BTRC: variants seen among roughly 807,000 people sequenced by gnomAD.
The protein encoded by BTRC is F-box/WD repeat-containing protein 1A.
BTRC carries 42 observed loss-of-function variants against 85.5 expected under a neutral mutation model. That is an observed-to-expected ratio of 0.49 (90% CI 0.38 to 0.64). BTRC has a LOEUF of 0.64. BTRC is among the 30% of genes least tolerant of loss of function. The pLI is 0.00. For synonymous variants in BTRC, 255 were observed against 263.3 expected, an observed-to-expected ratio of 0.97 and a Z score of 0.30; for missense variants, 594 against 743.5, an observed-to-expected ratio of 0.80 and a Z score of 2.34.
rs148028490 is a variant in BTRC, at chr10:101,484,062, G to T, written c.324+4605G>T. ...TACATCTATCCAGATTCCTGGCCCA[G>T]ATAAGAGAAGTTTTTCCTCTTTATG... On this transcript the variant is annotated intron_variant, in intron 4 of 14. Coordinates refer to ENST00000370187, the MANE Select transcript of BTRC (RefSeq NM_033637.4). 6.6e-5 allele frequency among the ~76,000 whole-genome samples: 10 copies of T among 152,274 alleles called. No individual in the cohort carries two copies. The East Asian group carries it at 1.9e-3, about 29-fold the overall frequency.
At chr10:101,532,814 A>C (rs200951971) in intron 8 of BTRC, 138 bp from the exon 9 acceptor site, 1 of 550,498 alleles carries the variant, frequency 1.8e-6, no homozygotes, top group African/African-American at 2.6e-5. Flanking sequence ...GCGCGCGCTT[A>C]GCTATACCTA....
chr10:101,475,950 TA>T (rs1316990292), intron 3 of BTRC, among the ~76,000 whole-genome samples: 17 of 138,630 alleles, frequency 1.2e-4, no homozygotes, highest in African/African-American at 3.4e-4. Flanking sequence ...TATATATATA[TA>T]TATTCAGTAA....
At chr10:101,419,076 T>C (rs1944027631) in intron 1 of BTRC, among the ~76,000 whole-genome samples, 1 of 151,654 alleles carries the variant, frequency 6.6e-6, no homozygotes, top group African/African-American at 2.4e-5. Context: ...AGTGGCACGA[T>C]CTTGGCTCAC....
chr10:101,537,507 A>T (rs1396991649), intron 12 of BTRC, among the ~76,000 whole-genome samples: 1 of 152,250 alleles, frequency 6.6e-6, no homozygotes, highest in Non-Finnish European at 1.5e-5. Context: ...CAGCCTGGGC[A>T]ACAGAGCGAG....
chr10:101,436,944 T>G (rs1207364624), intron 2 of BTRC, among the ~76,000 whole-genome samples: 2 of 152,180 alleles, frequency 1.3e-5, no homozygotes, highest in Non-Finnish European at 2.9e-5. Flanking sequence ...ATTTTACATT[T>G]GAGATTTTAG....
At chr10:101,509,173 T>G (rs1166274119) in intron 4 of BTRC, among the ~76,000 whole-genome samples, 1 of 150,472 alleles carries the variant, frequency 6.6e-6, no homozygotes, top group African/African-American at 2.5e-5. Context: ...CTTACTTATC[T>G]CTTTCCATTC....
At chr10:101,529,039 A>T (rs1233672477) in intron 6 of BTRC, among the ~76,000 whole-genome samples, 1 of 152,232 alleles carries the variant, frequency 6.6e-6, no homozygotes. Flanking sequence ...ATAAAAGACC[A>T]CTTGGGAAAA....
chr10:101,362,607 C>G (rs866899193), intron 1 of BTRC, among the ~76,000 whole-genome samples: 1 of 151,836 alleles, frequency 6.6e-6, no homozygotes, highest in African/African-American at 2.4e-5. Flanking sequence ...GTTGGTCAGG[C>G]TGGTCTTGAA....
intron 1 of BTRC, among the ~76,000 whole-genome samples, chr10:101,391,518 C>T (rs1943235571): frequency 6.6e-6 from 1 of 152,166 alleles, no homozygotes; most frequent in Middle Eastern, 3.2e-3. Flanking sequence ...TAGGCACAAC[C>T]TTCGTAGTTC....
intron 4 of BTRC, among the ~76,000 whole-genome samples, chr10:101,492,673 TAGATAATAAGGAGACA>T (rs1168925523): frequency 6.6e-6 from 1 of 152,190 alleles, no homozygotes; most frequent in African/African-American, 2.4e-5. Context: ...ACCCTTTCTT[TAGATAATAAGGAGACA>T]AGGTAGTTTC....
chr10:101,522,376 A>C (rs1295377739), intron 5 of BTRC, among the ~76,000 whole-genome samples: 3 of 65,120 alleles, frequency 4.6e-5, no homozygotes, highest in Non-Finnish European at 9.6e-5. Context: ...ACAAAAAAAA[A>C]CAAAAAAAAA....
chr10:101,417,658 A>C (rs1294167626), intron 1 of BTRC, among the ~76,000 whole-genome samples: 9 of 152,274 alleles, frequency 5.9e-5, no homozygotes, highest in African/African-American at 2.2e-4. Flanking sequence ...CTCCTTATCA[A>C]ACTTACAGTT....
intron 2 of BTRC, among the ~76,000 whole-genome samples, chr10:101,438,590 T>C (rs1489867581): frequency 6.6e-6 from 1 of 152,158 alleles, no homozygotes; most frequent in South Asian, 2.1e-4. Flanking sequence ...TAAAAGAAAG[T>C]ACATAATTAG....
intron 4 of BTRC, among the ~76,000 whole-genome samples, chr10:101,497,467 C>G (rs1019731420): frequency 2.6e-5 from 4 of 151,908 alleles, no homozygotes. Context: ...TTGGAATGCC[C>G]AGGTGGAAGG....
chr10:101,473,283 G>A lies in BTRC; in HGVS notation c.235-6085G>A, dbSNP rs540966448. On this transcript the variant is annotated intron_variant, in intron 3 of 14. Coordinates refer to ENST00000370187, the MANE Select transcript of BTRC (RefSeq NM_033637.4). Reference sequence around the variant, plus strand: ...CCAGTCTGCTTTTTAAGCCTCTCCAGTAAATTTTTTGATTTTTTTGAGATA... The same window carrying A: ...CCAGTCTGCTTTTTAAGCCTCTCCAATAAATTTTTTGATTTTTTTGAGATA... 9.4e-5 allele frequency among the ~76,000 whole-genome samples: 14 copies of A among 148,852 alleles called. No homozygotes were observed. In the South Asian group the frequency reaches 3.0e-3, roughly 32 times the overall value.
At chr10:101,468,488 A>G (rs2134190325) in intron 3 of BTRC, among the ~76,000 whole-genome samples, 1 of 152,280 alleles carries the variant, frequency 6.6e-6, no homozygotes, top group South Asian at 2.1e-4. Flanking sequence ...ATGATAGCAG[A>G]TGCAGCTTTG....
At chr10:101,473,461 TTC>T (rs1166262513) in intron 3 of BTRC, among the ~76,000 whole-genome samples, 6 of 143,146 alleles carry the variant, frequency 4.2e-5, no homozygotes, top group South Asian at 2.2e-4. Context: ...TTTTTCTTTT[TTC>T]TCTTTTTTTT....
intron 2 of BTRC, among the ~76,000 whole-genome samples, chr10:101,431,070 C>CTTTTTTTTTT (rs748703752): frequency 8.4e-5 from 6 of 71,296 alleles, no homozygotes; most frequent in African/African-American, 3.4e-4. Flanking sequence ...CTCAGCCTTT[C>CTTTTTTTTTT]TTTTTTTTTT....
intron 13 of BTRC, among the ~76,000 whole-genome samples, chr10:101,547,328 CTTTTT>C (rs71016332): frequency 5.0e-5 from 4 of 79,634 alleles, no homozygotes; most frequent in Non-Finnish European, 7.3e-5. Flanking sequence ...TATGGTTTTT[CTTTTT>C]TTTTTTTTTT....
Sources: gnomAD v4.1 joint callset for allele counts (sites outside exome capture counted in the v4.1 genomes callset) on GRCh38, gnomAD v4.1.1 for gene constraint, MANE v1.5 for transcripts, NCBI Gene and HGNC (gene_info 2026-07-23, HGNC 2026-07-21) for gene names.